MALRD1: variants seen among roughly 807,000 people sequenced by gnomAD.
MALRD1 encodes the protein MAM and LDL receptor class A domain containing 1.
Under a neutral mutation model 242.1 loss-of-function variants are expected in MALRD1, and 247 were observed. The observed-to-expected ratio is 1.02, with a 90% CI of 0.92 to 1.13. The LOEUF (loss-of-function observed/expected upper bound fraction) is 1.13. MALRD1 is among the 50% of genes most tolerant of loss of function. The pLI, the probability that MALRD1 is intolerant of heterozygous loss-of-function variation, is 0.00. For synonymous variants in MALRD1, 995 were observed against 866.6 expected, an observed-to-expected ratio of 1.15 and a Z score of -2.60; for missense variants, 2,989 against 2,533.1, an observed-to-expected ratio of 1.18 and a Z score of -3.86.
At chr10:19,607,342 T>C (rs545418412) in intron 34 of MALRD1, among the ~76,000 whole-genome samples, 29 of 152,146 alleles carry the variant, frequency 1.9e-4, no homozygotes, top group Non-Finnish European at 3.4e-4. Flanking sequence ...TGGTGTCTCC[T>C]AAGGCCTCTC....
At chr10:19,659,475 C>A (rs1040965162) in intron 36 of MALRD1, among the ~76,000 whole-genome samples, 16 of 152,058 alleles carry the variant, frequency 1.1e-4, no homozygotes, top group Admixed American at 5.2e-4. Context: ...ATACCTATTT[C>A]TATATTCATT....
chr10:19,193,159 C>A (rs747193164), intron 14 of MALRD1, among the ~76,000 whole-genome samples: 1 of 152,100 alleles, frequency 6.6e-6, no homozygotes, highest in Non-Finnish European at 1.5e-5. Context: ...TGAAAGAAGG[C>A]CAACATTATT....
intron 28 of MALRD1, among the ~76,000 whole-genome samples, chr10:19,401,052 AAGG>A (rs933481042): frequency 9.2e-5 from 14 of 152,148 alleles, no homozygotes; most frequent in African/African-American, 2.9e-4. Flanking sequence ...AGAAGAAAGA[AAGG>A]AGAACATTAT....
chr10:19,423,457 C>T lies in MALRD1; in HGVS notation c.4846-26850C>T, dbSNP rs541977436. ...ATCTGGTACAAAAATGCCCTCCCAC[C>T]CCCCAGAAAAACATAAACCTACAAT... On this transcript the variant is annotated intron_variant, in intron 28 of 39. Transcript: ENST00000454679. Among the ~76,000 whole-genome samples the T allele has an allele frequency of 5.3e-5, 8 of 151,570 alleles. No homozygotes were observed. In the East Asian group the frequency reaches 1.6e-3, roughly 29 times the overall value.
chr10:19,263,421 T>A (rs1839840415), intron 19 of MALRD1, among the ~76,000 whole-genome samples: 1 of 152,210 alleles, frequency 6.6e-6, no homozygotes, highest in Non-Finnish European at 1.5e-5. Context: ...CATATACCTG[T>A]TGTCTATGTC....
At chr10:19,360,757 A>T (rs922178341) in intron 26 of MALRD1, among the ~76,000 whole-genome samples, 4 of 152,136 alleles carry the variant, frequency 2.6e-5, no homozygotes, top group African/African-American at 9.7e-5. Flanking sequence ...CCAGTGCATC[A>T]ATTTAAAAAT....
chr10:19,419,903 AAAAT>A (rs1330047372), intron 28 of MALRD1, among the ~76,000 whole-genome samples: 1 of 152,222 alleles, frequency 6.6e-6, no homozygotes, highest in East Asian at 1.9e-4. Context: ...GGAAAGGAAA[AAAAT>A]AAAAAGAAGA....
Position 19,128,315 on chromosome 10 carries a change from C to A in MALRD1, c.1038C>A (p.Gly346=), listed in dbSNP as rs775861956. The change falls in exon 8 of 40, where the codon GGC becomes GGA. Residue 346 remains glycine (G), a synonymous_variant. Coordinates refer to ENST00000454679, the MANE Select transcript of MALRD1 (RefSeq NM_001142308.3). Reference sequence around the variant, plus strand: ...ATAGCTCTGTGTGTCATTGCCTGGGCAAGAGCTGTCATCTTCAATTCTATT... The same window carrying A: ...ATAGCTCTGTGTGTCATTGCCTGGGAAAGAGCTGTCATCTTCAATTCTATT... ...YLNSSVCHCL[G]KSCHLQFYYA... is the part of the protein sequence containing the mutation. The A allele has an allele frequency of 8.2e-5, 101 of 1,233,250 alleles. No individual in the cohort carries two copies. In the African/African-American group the frequency reaches 1.4e-3, roughly 17 times the overall value. 76.4% of individuals were successfully genotyped at this position (1,233,250 alleles called of 1,614,324 possible). A position where few individuals can be genotyped will look rare whatever the true frequency, so the allele number is the denominator to read the frequency against.
chr10:19,483,677 T>C (rs964656305), intron 29 of MALRD1, among the ~76,000 whole-genome samples: 1 of 152,168 alleles, frequency 6.6e-6, no homozygotes, highest in Non-Finnish European at 1.5e-5. Context: ...ACACTGCTGG[T>C]GGAAATATAA....
intron 29 of MALRD1, among the ~76,000 whole-genome samples, chr10:19,480,653 T>C (rs1482858220): frequency 6.6e-6 from 1 of 152,202 alleles, no homozygotes; most frequent in Non-Finnish European, 1.5e-5. Flanking sequence ...GTAGTAGAAA[T>C]TGCTAAGAGG....
At chr10:19,720,382 T>TA (rs1834686608) in intron 38 of MALRD1, among the ~76,000 whole-genome samples, 1 of 152,232 alleles carries the variant, frequency 6.6e-6, no homozygotes, top group African/African-American at 2.4e-5. Context: ...AGGGACTTGT[T>TA]ACTTTGTTAC....
rs563422593 is a variant in MALRD1, at chr10:19,668,605, A to G, written c.6138-23677A>G. Reference sequence around the variant, plus strand: ...AAACAGAAGTGACATAGAGAGCTGAAGAGAAACATTTAATTCTATTTAATA... The same window carrying G: ...AAACAGAAGTGACATAGAGAGCTGAGGAGAAACATTTAATTCTATTTAATA... On this transcript the variant is annotated intron_variant, in intron 36 of 39. Transcript: ENST00000454679. 2.0e-4 allele frequency among the ~76,000 whole-genome samples: 31 copies of G among 152,320 alleles called. No individual in the cohort carries two copies. The South Asian group carries it at 6.0e-3, about 30-fold the overall frequency.
chr10:19,050,073 CAT>C (rs1440979385), intron 1 of MALRD1, among the ~76,000 whole-genome samples: 1 of 146,320 alleles, frequency 6.8e-6, no homozygotes, highest in Non-Finnish European at 1.5e-5. Flanking sequence ...TTAACTCAAA[CAT>C]ATGTCTTCTT....
At chr10:19,633,316 A>G (rs1839990316) in intron 36 of MALRD1, among the ~76,000 whole-genome samples, 1 of 152,150 alleles carries the variant, frequency 6.6e-6, no homozygotes, top group Admixed American at 6.6e-5. Context: ...CCCTCATTGG[A>G]GAAGCACGGT....
At chr10:19,307,892 T>C (rs1430898174) in intron 21 of MALRD1, among the ~76,000 whole-genome samples, 1 of 151,566 alleles carries the variant, frequency 6.6e-6, no homozygotes, top group East Asian at 1.9e-4. Flanking sequence ...TTATCTTTTT[T>C]AAAAATTTTG....
chr10:19,391,394 A>C (rs1412945519), intron 28 of MALRD1, among the ~76,000 whole-genome samples: 4 of 152,224 alleles, frequency 2.6e-5, no homozygotes, highest in African/African-American at 7.2e-5. Flanking sequence ...CCAGCCTTAC[A>C]GAGTAGTTAT....
At chr10:19,307,587 A>G (rs775187137) in intron 21 of MALRD1, among the ~76,000 whole-genome samples, 7 of 151,574 alleles carry the variant, frequency 4.6e-5, no homozygotes, top group Non-Finnish European at 5.9e-5. Flanking sequence ...AGACTGAGGC[A>G]CATTTTTACT....
chr10:19,123,853 A>G (rs754171631), intron 6 of MALRD1, among the ~76,000 whole-genome samples: 22 of 152,180 alleles, frequency 1.4e-4, no homozygotes, highest in African/African-American at 2.2e-4. Flanking sequence ...TGAATAGTAA[A>G]TAATTTAAAC....
intron 9 of MALRD1, among the ~76,000 whole-genome samples, chr10:19,136,132 A>G (rs1833326550): frequency 3.9e-5 from 6 of 152,232 alleles, no homozygotes; most frequent in Admixed American, 2.6e-4. Flanking sequence ...GTTAAAAAAT[A>G]AGTCAGATGC....
Sources: allele counts gnomAD v4.1 joint callset (sites outside exome capture counted in the v4.1 genomes callset), GRCh38; gene constraint gnomAD v4.1.1; transcripts MANE v1.5; gene names NCBI Gene and HGNC (gene_info 2026-07-23, HGNC 2026-07-21).